TMC2: variants seen among roughly 807,000 people sequenced by gnomAD.
TMC2 encodes the protein transmembrane channel like 2.
A neutral mutation model predicts 105.9 loss-of-function variants in TMC2; 102 were observed. The ratio of observed to expected loss-of-function variants is 0.96; its 90% CI spans 0.82 to 1.14. The LOEUF is 1.14. Among genes scored for constraint, TMC2 ranks in the 50% most tolerant of loss-of-function variants. The pLI is 0.00. For synonymous variants in TMC2, 402 were observed against 422.8 expected (o/e 0.95, Z 0.60); for missense variants, 1,093 against 1,134.3 (o/e 0.96, Z 0.52).
chr20:2,579,907 T>C, intron 6 of TMC2, 43 bp from the exon 7 acceptor site: 1 of 1,355,774 alleles, frequency 7.4e-7, no homozygotes, highest in Non-Finnish European at 1.1e-6. Flanking sequence ...TGTCCATTTT[T>C]TCCTTCTGCA....
intron 17 of TMC2, among the ~76,000 whole-genome samples, chr20:2,630,542 C>T (rs975859761): frequency 6.6e-6 from 1 of 151,998 alleles, no homozygotes; most frequent in Non-Finnish European, 1.5e-5. Context: ...CATTTTTTGG[C>T]TGGGTGTGGT....
intron 8 of TMC2, among the ~76,000 whole-genome samples, chr20:2,594,402 A>G (rs2053907825): frequency 6.6e-6 from 1 of 151,646 alleles, no homozygotes; most frequent in African/African-American, 2.4e-5. Context: ...AAATTTTTGT[A>G]TTTTTAGTAG....
At chr20:2,606,768 A>G (rs561352717) in intron 11 of TMC2, among the ~76,000 whole-genome samples, 244 of 148,032 alleles carry the variant, frequency 1.6e-3, no homozygotes, top group Non-Finnish European at 3.2e-3. Flanking sequence ...TTCTTCATAT[A>G]TTTTTTATTT....
chr20:2,584,049 A>G (rs2086213880), intron 7 of TMC2, among the ~76,000 whole-genome samples: 1 of 152,050 alleles, frequency 6.6e-6, no homozygotes, highest in Non-Finnish European at 1.5e-5. Context: ...TAAGGTCTTT[A>G]AGGAAGCTGT....
chr20:2,557,731 A>G (rs188707558), intron 2 of TMC2, among the ~76,000 whole-genome samples: 135 of 152,250 alleles, frequency 8.9e-4, no homozygotes, highest in African/African-American at 3.1e-3. Flanking sequence ...GGGTTTCACC[A>G]CCTTGGCCAG....
intron 11 of TMC2, among the ~76,000 whole-genome samples, 176 bp downstream of exon 11, chr20:2,602,477 T>A (rs1266571269): frequency 1.3e-5 from 2 of 152,216 alleles, no homozygotes; most frequent in Admixed American, 6.5e-5. Context: ...TCACCTATTA[T>A]TAGGTTTTGG....
Position 2,573,623 on chromosome 20 carries a change from C to T in TMC2, c.645+1354C>T, listed in dbSNP as rs527292270. ...TTGCCCAAGCTGGAATGCGGTGGCG[C>T]GACCTCGGCTCACTGCGAGCTCTGC... is the stretch of plus-strand genomic sequence containing the variant. On this transcript the variant is annotated intron_variant, in intron 5 of 19. Coordinates refer to ENST00000358864, the MANE Select transcript of TMC2 (RefSeq NM_080751.3). 2.4e-3 allele frequency among the ~76,000 whole-genome samples: 355 copies of T among 145,026 alleles called. 1 individual carries two copies. Among genetic ancestry groups the T allele is most frequent in the Middle Eastern group, 0.019 (5 of 258 alleles).
intron 4 of TMC2, among the ~76,000 whole-genome samples, chr20:2,566,043 A>C (rs886991090): frequency 6.6e-6 from 1 of 152,136 alleles, no homozygotes; most frequent in African/African-American, 2.4e-5. Context: ...GTCTCCAAAA[A>C]ACATATGAAA....
chr20:2,601,906 T>C (rs983435296), intron 10 of TMC2, among the ~76,000 whole-genome samples: 2 of 152,196 alleles, frequency 1.3e-5, no homozygotes, highest in Admixed American at 6.5e-5. Context: ...GAAATCTAAG[T>C]GTTTCTTACA....
chr20:2,569,466 G>T (rs971931936), intron 4 of TMC2, among the ~76,000 whole-genome samples: 5 of 152,164 alleles, frequency 3.3e-5, no homozygotes, highest in Non-Finnish European at 7.3e-5. Flanking sequence ...TGCATCATAA[G>T]TTGAGGAGCA....
At chr20:2,566,151 A>G (rs1009701738) in intron 4 of TMC2, among the ~76,000 whole-genome samples, 2 of 152,178 alleles carry the variant, frequency 1.3e-5, no homozygotes, top group East Asian at 1.9e-4. Flanking sequence ...TGGCTACCCA[A>G]TCCCTCTCAG....
At chr20:2,598,211 A>G (rs2086322917) in intron 10 of TMC2, among the ~76,000 whole-genome samples, 1 of 151,684 alleles carries the variant, frequency 6.6e-6, no homozygotes, top group Non-Finnish European at 1.5e-5. Flanking sequence ...AAAAAAAAAA[A>G]GAATTTGAAC....
chr20:2,614,393 T>A (rs1448800553), intron 14 of TMC2, among the ~76,000 whole-genome samples: 1 of 151,868 alleles, frequency 6.6e-6, no homozygotes, highest in African/African-American at 2.4e-5. Context: ...ATTGCTTGAG[T>A]CCAGGAGTTC....
chr20:2,538,469 C>T (rs1015252969), intron 2 of TMC2, among the ~76,000 whole-genome samples: 1 of 152,090 alleles, frequency 6.6e-6, no homozygotes, highest in African/African-American at 2.4e-5. Context: ...GGTCGGGCCA[C>T]GGTGCTCCCG....
At chr20:2,604,841 C>T (rs1347557364) in intron 11 of TMC2, among the ~76,000 whole-genome samples, 1 of 152,184 alleles carries the variant, frequency 6.6e-6, no homozygotes, top group African/African-American at 2.4e-5. Flanking sequence ...GCTCCAAGCC[C>T]CTTGCCCATA....
chr20:2,561,835 C>T, intron 3 of TMC2, 23 bp from the exon 4 acceptor site: 3 of 1,606,586 alleles, frequency 1.9e-6, no homozygotes, highest in South Asian at 2.2e-5. Flanking sequence ...TTCCCTCTGC[C>T]TCCGCCCTGG....
intron 15 of TMC2, 28 bp from the exon 16 acceptor site, chr20:2,617,044 A>G: frequency 6.2e-7 from 1 of 1,613,586 alleles, no homozygotes; most frequent in Non-Finnish European, 8.5e-7. Flanking sequence ...TGTCCAGCCA[A>G]CCAGGTGTTT....
chr20:2,598,195 A>G (rs2086322592), intron 10 of TMC2, among the ~76,000 whole-genome samples: 1 of 122,996 alleles, frequency 8.1e-6, no homozygotes, highest in Non-Finnish European at 1.8e-5. Context: ...AGCTAGTGAA[A>G]TGAAAAAAAA....
chr20:2,605,375 C>T (rs1299527603), intron 11 of TMC2, among the ~76,000 whole-genome samples: 1 of 152,128 alleles, frequency 6.6e-6, no homozygotes, highest in Non-Finnish European at 1.5e-5. Flanking sequence ...GCTGGAAGTC[C>T]GAGATCAAGG....
Sources: gnomAD v4.1 joint callset for allele counts (sites outside exome capture counted in the v4.1 genomes callset) on GRCh38, gnomAD v4.1.1 for gene constraint, MANE v1.5 for transcripts, NCBI Gene and HGNC (gene_info 2026-07-23, HGNC 2026-07-21) for gene names.